The following LILRB5 variants were observed in gnomAD, a reference collection of about 807,000 sequenced individuals.
The protein encoded by LILRB5 is leukocyte immunoglobulin like receptor B5, also known as leukocyte immunoglobulin-like receptor subfamily B member 5.
LILRB5 carries 61 observed loss-of-function variants against 68.4 expected under a neutral mutation model. The observed-to-expected ratio is 0.89, with a 90% CI of 0.73 to 1.10. The LOEUF (loss-of-function observed/expected upper bound fraction) is 1.10. LILRB5 is among the 50% of genes least tolerant of loss of function. The pLI is 0.00. For missense variants in LILRB5, 771 were observed against 751.6 expected (o/e 1.03, Z -0.30); for synonymous variants, 356 against 315.8 (o/e 1.13, Z -1.35).
chr19:54,255,808 G>C, intron 4 of LILRB5: 1 of 674,696 alleles, frequency 1.5e-6, no homozygotes, highest in South Asian at 2.0e-5. Flanking sequence ...CTCATTGAGG[G>C]ACAGGAAATT....
rs1489005823 is a variant in LILRB5 at position 54,249,466 on chromosome 19, C to T, written c.*1320G>A. The T allele has an allele frequency of 6.6e-6, 1 of 152,042 alleles. No homozygotes were observed. Among genetic ancestry groups the T allele is most frequent in the African/African-American group, 2.4e-5 (1 of 41,388 alleles). 9.4% of individuals were successfully genotyped at this position (152,042 alleles called of 1,614,324 possible). A position where few individuals can be genotyped will look rare whatever the true frequency, so the allele number is the denominator to read the frequency against. ...AGATTTAATGAACACAATCAAAATACTCATTCCTTCGAGGACAAGACACAG... is the reference window on the plus strand; with the variant it reads ...AGATTTAATGAACACAATCAAAATATTCATTCCTTCGAGGACAAGACACAG... On this transcript the variant is annotated 3_prime_UTR_variant, in exon 13 of 13. Transcript: ENST00000449561.
At position 54,250,707 on chromosome 19, in the gene LILRB5, T is replaced by G; in HGVS notation, c.*79A>C. On this transcript the variant is annotated 3_prime_UTR_variant, in exon 13 of 13. Coordinates refer to ENST00000449561, the MANE Select transcript of LILRB5 (RefSeq NM_001081442.3). ...CCAGGCTGGCTGGGGTTCATTGGTG[T>G]CCACTGGGGGCAGCTCCTGTGCCTT... 1.3e-6 allele frequency: 2 copies of G among 1,578,248 alleles called. No homozygotes were observed. Among genetic ancestry groups the G allele is most frequent in the Admixed American group, 1.7e-5 (1 of 57,506 alleles).
intron 9 of LILRB5, 126 bp from the exon 10 acceptor site, chr19:54,252,675 G>T: frequency 8.7e-7 from 1 of 1,144,576 alleles, no homozygotes; most frequent in Non-Finnish European, 1.3e-6. Context: ...TACGTCGTAA[G>T]TTTAAAGTAA....
Position 54,255,184 on chromosome 19 carries a change from T to C in LILRB5, c.952+102A>G. 4.7e-6 allele frequency: 7 copies of C among 1,496,586 alleles called. No homozygotes were observed. The South Asian group carries it at 9.1e-5, about 19-fold the overall frequency. The allele number at this position is 1,496,586 out of a possible 1,614,324, so 92.7% of individuals were successfully genotyped here. A position where few individuals can be genotyped will look rare whatever the true frequency, so the allele number is the denominator to read the frequency against. ...TGTCTCTGTCTGTCTCTCCCTCCCT[T>C]GGGACCACCCCCCCGCCTCATCCCG... On this transcript the variant is annotated intron_variant, in intron 5 of 12. Transcript: ENST00000449561.
chr19:54,252,917 G>A lies in LILRB5; in HGVS notation c.1428C>T (p.Leu476=). 1 of 1,596,310 alleles carries A rather than the reference G, an allele frequency of 6.3e-7. No individual in the cohort carries two copies. The highest frequency in any genetic ancestry group is 1.1e-5 in the South Asian group (1 of 90,912). ...VAFVLLLFLL[L]FLLLRHRHQS... is the part of the protein sequence containing the mutation. ...GATGCCGATGTCGGAGGAGGAGGAA[G>A]AGGAGGAGGAACAGCAGCAGGACGA... Residue 476 remains leucine, a synonymous_variant, in exon 9 of 13, where the codon CTC becomes CTT. Transcript: ENST00000449561.
chr19:54,256,525 A>ACCAG lies in LILRB5; in HGVS notation c.315_318dup (p.Ser107LeufsTer6). 1 of 1,614,032 alleles carries ACCAG rather than the reference A, an allele frequency of 6.2e-7. No individual in the cohort carries two copies. The highest frequency in any genetic ancestry group is 8.5e-7 in the Non-Finnish European group (1 of 1,179,974). ...AGCTCCAGGGGGTCACTGGGCTCTG[A>ACCAG]CCAGCCTGCAGGGGTCTCATAGTAG... is the stretch of plus-strand genomic sequence containing the variant. On this transcript the variant is annotated frameshift_variant, in exon 3 of 13. Coordinates refer to ENST00000449561, the MANE Select transcript of LILRB5 (RefSeq NM_001081442.3). LOFTEE classifies it high-confidence loss of function.
Position 54,250,048 on chromosome 19 carries a change from C to CAA in LILRB5, c.*736_*737dup, listed in dbSNP as rs1452999794. 1 of 152,496 alleles carries CAA rather than the reference C, an allele frequency of 6.6e-6. No homozygotes were observed. The highest frequency in any genetic ancestry group is 2.4e-5 in the African/African-American group (1 of 41,420). 9.4% of individuals were successfully genotyped at this position (152,496 alleles called of 1,614,324 possible). On this transcript the variant is annotated 3_prime_UTR_variant, in exon 13 of 13. Coordinates refer to ENST00000449561, the MANE Select transcript of LILRB5 (RefSeq NM_001081442.3). ...CTCCGTCTCAAAAAACAAAACAAAA[C>CAA]AAAACAAAAACCCTCACACAAAAAC...
chr19:54,252,043 C>G lies in LILRB5; in HGVS notation c.1629+11G>C, dbSNP rs780619979. The G allele has an allele frequency of 2.5e-6, 4 of 1,612,892 alleles. No homozygotes were observed. Among genetic ancestry groups the G allele is most frequent in the African/African-American group, 2.7e-5 (2 of 74,888 alleles). On this transcript the variant is annotated intron_variant, in intron 12 of 12. Transcript: ENST00000449561. Reference sequence around the variant, plus strand: ...AGGCCTTTGGTGCCCGGGACAGGGGCGGGGCCTCACCGGAGCATCCATCTC... The same window carrying G: ...AGGCCTTTGGTGCCCGGGACAGGGGGGGGGCCTCACCGGAGCATCCATCTC...
At position 54,256,246 on chromosome 19, in the gene LILRB5, A is replaced by G. The variant is rs2079137686; in HGVS notation, c.452T>C (p.Leu151Pro). ...TTCTTCCTCAACAAGAACAAACGTG[A>G]GAAGTCCGTCCAGTGTATCACACTG... ...TLQCDTLDGL[L>P]TFVLVEEEQK... The change falls in exon 4 of 13, where the codon CTC becomes CCC. Residue 151 changes from leucine to proline, a missense_variant. Coordinates refer to ENST00000449561, the MANE Select transcript of LILRB5 (RefSeq NM_001081442.3). The G allele has an allele frequency of 3.7e-6, 6 of 1,614,012 alleles. No individual in the cohort carries two copies. The East Asian group carries it at 1.3e-4, about 36-fold the overall frequency.
intron 11 of LILRB5, 58 bp from the exon 12 acceptor site, chr19:54,252,164 C>G (rs2078978488): frequency 6.3e-7 from 1 of 1,580,292 alleles, no homozygotes; most frequent in African/African-American, 1.3e-5. Flanking sequence ...ACTTCTCCGT[C>G]CTGCCAGCCC....
In LILRB5 at chr19:54,250,883, C is replaced by A. The variant is rs376246293; in HGVS notation, c.1679G>T (p.Ser560Ile). The A allele has an allele frequency of 1.3e-6, 2 of 1,598,654 alleles. No individual in the cohort carries two copies. The highest frequency in any genetic ancestry group is 1.7e-6 in the Non-Finnish European group (2 of 1,172,464). The change falls in exon 13 of 13, where the codon AGC becomes ATC. Residue 560 changes from serine (S) to isoleucine (I), a missense_variant. Physicochemically the swap from Ser to Ile is moderately radical, Grantham distance 142 (BLOSUM62 -2). Coordinates refer to ENST00000449561, the MANE Select transcript of LILRB5 (RefSeq NM_001081442.3). ...PQDVTYAQLH[S>I]LTLRREATEP... ...AGTTGCCTCCCGTCTGAGGGTCAAG[C>A]TGTGCAGCTGGGCGTAGGTCACATC...
chr19:54,254,486 C>A, intron 6 of LILRB5, 71 bp from the exon 7 acceptor site: 7 of 1,487,162 alleles, frequency 4.7e-6, no homozygotes, highest in Admixed American at 2.2e-5. Flanking sequence ...TCCACCTGCC[C>A]GTGGCTTCTC....
chr19:54,256,080 C>T lies in LILRB5; in HGVS notation c.618G>A (p.Trp206Ter). ...TCTCCAGGAGGTCACTGGGGTTCGA[C>T]CACACCTGAGGGTTTTTCCTGTAAT... ...YYYYRKNPQV[W>*]SNPSDLLEIL... Residue 206 changes from tryptophan to a stop codon, truncating the protein, a stop_gained, in exon 4 of 13, where the codon TGG becomes TGA. Coordinates refer to ENST00000449561, the MANE Select transcript of LILRB5 (RefSeq NM_001081442.3). LOFTEE classifies it high-confidence loss of function. The T allele has an allele frequency of 6.4e-7, 1 of 1,571,494 alleles. No individual in the cohort carries two copies. Among genetic ancestry groups the T allele is most frequent in the Non-Finnish European group, 8.6e-7 (1 of 1,160,838 alleles).
At chr19:54,254,700 T>G in intron 6 of LILRB5, 35 bp downstream of exon 6, 1 of 1,611,558 alleles carries the variant, frequency 6.2e-7, no homozygotes, top group Non-Finnish European at 8.5e-7. Context: ...GAGCTGAGCC[T>G]TTGAGCTTGG....
chr19:54,250,897 G>T lies in LILRB5; in HGVS notation c.1665C>A (p.Tyr555Ter), dbSNP rs202105013. The change falls in exon 13 of 13, where the codon TAC (tyrosine) becomes TAA (stop). Residue 555 changes from tyrosine (Y) to a stop codon, truncating the protein, a stop_gained. Transcript: ENST00000449561. LOFTEE classifies it low-confidence loss of function (END_TRUNC). The part of the protein sequence containing the change: ...AASEAPQDVT[Y>*]AQLHSLTLRR... ...TGAGGGTCAAGCTGTGCAGCTGGGC[G>T]TAGGTCACATCCTGGGGGGCTTCAG... 6.2e-7 allele frequency: 1 copy of T among 1,611,472 alleles called. No homozygotes were observed. Among genetic ancestry groups the T allele is most frequent in the South Asian group, 1.1e-5 (1 of 90,948 alleles).
At chr19:54,254,532 A>G in intron 6 of LILRB5, 117 bp from the exon 7 acceptor site, 1 of 1,327,188 alleles carries the variant, frequency 7.5e-7, no homozygotes, top group Non-Finnish European at 1.0e-6. Context: ...CACCATTTGC[A>G]TCCCAGGAGA....
chr19:54,254,750 C>T lies in LILRB5; in HGVS notation c.1240G>A (p.Glu414Lys), dbSNP rs749358361. The change falls in exon 6 of 13, where the codon GAG (glutamate) becomes AAG (lysine). Residue 414 changes from glutamate to lysine, a missense_variant. By Grantham distance (56) the Glu-to-Lys change is moderately conservative (BLOSUM62 1). Coordinates refer to ENST00000449561, the MANE Select transcript of LILRB5 (RefSeq NM_001081442.3). ...GGGCCCTCACCTGAGACCACGAGCT[C>T]CTGGGGGTAACTAGGGCTGGACAGC... ...YLLSSPSYPQELVVSGPSGDP... is the reference protein window; with the variant it reads ...YLLSSPSYPQKLVVSGPSGDP... The T allele has an allele frequency of 1.2e-6, 2 of 1,613,848 alleles. No homozygotes were observed. Among genetic ancestry groups the T allele is most frequent in the Admixed American group, 3.3e-5 (2 of 59,992 alleles).
In LILRB5 at chr19:54,256,317, T is replaced by C. The variant is rs774566198; in HGVS notation, c.381A>G (p.Leu127=). Residue 127 remains leucine, a synonymous_variant, in exon 4 of 13, where the codon TTA becomes TTG. Coordinates refer to ENST00000449561, the MANE Select transcript of LILRB5 (RefSeq NM_001081442.3). ...ATGFYAEPTL[L]ALPSPVVASG... is the part of the protein sequence containing the mutation. ...AGGCCACCACAGGACTCGGCAGGGC[T>C]AAAAGAGTGGGTTCTGCATAGAATC... 2.0e-5 allele frequency: 33 copies of C among 1,611,082 alleles called. No individual in the cohort carries two copies. The highest frequency in any genetic ancestry group is 1.0e-4 in the Admixed American group (6 of 59,630).
chr19:54,251,721 C>T (rs2078959176), intron 12 of LILRB5: 2 of 653,144 alleles, frequency 3.1e-6, no homozygotes, highest in South Asian at 3.0e-5. Context: ...CAGTGAGCTC[C>T]CTGGGAACAC....
Sources: gnomAD v4.1 joint callset for allele counts on GRCh38, gnomAD v4.1.1 for gene constraint, MANE v1.5 for transcripts, NCBI Gene and HGNC (gene_info 2026-07-23, HGNC 2026-07-21) for gene names.